Variants in RAB35 observed in about 807,000 individuals in gnomAD.
The protein encoded by RAB35 is ras-related protein Rab-35.
In RAB35, 4 loss-of-function variants were observed where a neutral mutation model predicts 28.9. That is an observed-to-expected ratio of 0.14 (90% CI 0.07 to 0.32). The LOEUF (loss-of-function observed/expected upper bound fraction) is 0.32. RAB35 is among the 10% of genes least tolerant of loss of function. The pLI is 1.00. For synonymous variants in RAB35, 99 were observed against 105.1 expected, an observed-to-expected ratio of 0.94 and a Z score of 0.35; for missense variants, 128 against 274.0, an observed-to-expected ratio of 0.47 and a Z score of 3.76.
Position 120,095,372 on chromosome 12 carries a change from T to A in RAB35, c.*1873A>T, listed in dbSNP as rs1205063633. ...CCAGCTGCCAGAAGCCATGGGGGCT[T>A]CTAGCCTGGGCTGGAAGCCCCCAGG... On this transcript the variant is annotated 3_prime_UTR_variant, in exon 6 of 6. Coordinates refer to ENST00000229340, the MANE Select transcript of RAB35 (RefSeq NM_006861.7). 6.6e-6 allele frequency: 1 copy of A among 151,908 alleles called. No individual in the cohort carries two copies. The highest frequency in any genetic ancestry group is 1.5e-5 in the Non-Finnish European group (1 of 67,912). The allele number at this position is 151,908 out of a possible 1,614,324, so 9.4% of individuals were successfully genotyped here.
chr12:120,105,949 C>T lies in RAB35; in HGVS notation c.104-2000G>A, dbSNP rs1445659428. Reference sequence around the variant, plus strand: ...AAAAAAAAAAAAAAAAATCACAGGGCCCAAAGGGTCAACAGTGTCCAAGTG... The same window carrying T: ...AAAAAAAAAAAAAAAAATCACAGGGTCCAAAGGGTCAACAGTGTCCAAGTG... On this transcript the variant is annotated intron_variant, in intron 2 of 5. Coordinates refer to ENST00000229340, the MANE Select transcript of RAB35 (RefSeq NM_006861.7). Among the ~76,000 whole-genome samples, 12 of 150,450 alleles carry T rather than the reference C, an allele frequency of 8.0e-5. No individual in the cohort carries two copies. The East Asian group carries it at 9.7e-4, about 12-fold the overall frequency.
intron 2 of RAB35, among the ~76,000 whole-genome samples, chr12:120,108,144 G>T (rs1425500423): frequency 6.6e-6 from 1 of 152,116 alleles, no homozygotes; most frequent in East Asian, 1.9e-4. Context: ...CACCATAGAC[G>T]CTGTTATGGG....
intron 3 of RAB35, chr12:120,099,465 G>A: frequency 2.3e-6 from 1 of 427,452 alleles, no homozygotes; most frequent in Non-Finnish European, 4.2e-6. Context: ...AAACATCTTT[G>A]AAGTTCTTGC....
intron 1 of RAB35, among the ~76,000 whole-genome samples, chr12:120,109,913 T>G (rs149065752): frequency 7.2e-5 from 11 of 152,328 alleles, no homozygotes; most frequent in South Asian, 2.1e-4. Flanking sequence ...GCCAAGTTAA[T>G]TGACCACAAA....
chr12:120,097,380 A>C lies in RAB35; in HGVS notation c.478-7T>G. ...CCGTGATGCAGTTGAACATCTGTGG[A>C]GAGGAAAGAGGAAGGGCCCGCCTCA... is the stretch of plus-strand genomic sequence containing the variant. On this transcript the variant is annotated splice_region_variant and splice_polypyrimidine_tract_variant and intron_variant, in intron 5 of 5. Transcript: ENST00000229340. 1 of 1,605,688 alleles carries C rather than the reference A, an allele frequency of 6.2e-7. No individual in the cohort carries two copies.
Position 120,103,685 on chromosome 12 carries a change from T to A in RAB35, c.227+141A>T. 3 of 1,267,962 alleles carry A rather than the reference T, an allele frequency of 2.4e-6. No individual in the cohort carries two copies. Among genetic ancestry groups the A allele is most frequent in the Non-Finnish European group, 3.3e-6 (3 of 912,834 alleles). The allele number at this position is 1,267,962 out of a possible 1,614,324, so 78.5% of individuals were successfully genotyped here. On this transcript the variant is annotated intron_variant, in intron 3 of 5. Transcript: ENST00000229340. The surrounding 1 kb of genome is among the most constrained non-coding windows in gnomAD (Gnocchi z 6.1). ...AGGAAGGGTGCAGCCAAACGCCACC[T>A]ACTACAGCCAACAACAGGCTCACTT...
Position 120,103,603 on chromosome 12 carries a change from C to A in RAB35, c.227+223G>T, listed in dbSNP as rs1264782507. Among the ~76,000 whole-genome samples, 1 of 152,234 alleles carries A rather than the reference C, an allele frequency of 6.6e-6. No homozygotes were observed. Among genetic ancestry groups the A allele is most frequent in the Non-Finnish European group, 1.5e-5 (1 of 68,044 alleles). On this transcript the variant is annotated intron_variant, in intron 3 of 5. Coordinates refer to ENST00000229340, the MANE Select transcript of RAB35 (RefSeq NM_006861.7). The surrounding 1 kb of genome is among the most constrained non-coding windows in gnomAD (Gnocchi z 6.1). Reference sequence around the variant, plus strand: ...AGAACATGGCCACTGTCCGGCCAGACTCCAGCCAGGGTGCTCAGCGACTCC... The same window carrying A: ...AGAACATGGCCACTGTCCGGCCAGAATCCAGCCAGGGTGCTCAGCGACTCC...
Position 120,099,039 on chromosome 12 carries a change from G to A in RAB35, c.343C>T (p.Arg115Ter). The change falls in exon 4 of 6, where the codon CGA (arginine) becomes TGA (stop). Residue 115 changes from arginine (R) to a stop codon, truncating the protein, a stop_gained. Coordinates refer to ENST00000229340, the MANE Select transcript of RAB35 (RefSeq NM_006861.7). LOFTEE classifies it high-confidence loss of function. The part of the protein sequence containing the change: ...EINQNCDDVC[R>*]ILVGNKNDDP... ...CTGAGTGCAGCCTCACCTAATATTCGGCACACATCATCACAGTTCTGGTTG... is the reference window on the plus strand; with the variant it reads ...CTGAGTGCAGCCTCACCTAATATTCAGCACACATCATCACAGTTCTGGTTG... 1 of 1,614,020 alleles carries A rather than the reference G, an allele frequency of 6.2e-7. No individual in the cohort carries two copies. Among genetic ancestry groups the A allele is most frequent in the Non-Finnish European group, 8.5e-7 (1 of 1,180,016 alleles).
intron 2 of RAB35, among the ~76,000 whole-genome samples, chr12:120,107,129 T>C (rs139305721): frequency 0.02 from 3,022 of 151,890 alleles, 56 homozygotes; most frequent in Middle Eastern, 0.034. Flanking sequence ...GCTAGGATTA[T>C]AGGTATGCAC....
chr12:120,106,832 G>A (rs893084587), intron 2 of RAB35, among the ~76,000 whole-genome samples: 10 of 149,808 alleles, frequency 6.7e-5, no homozygotes, highest in Non-Finnish European at 1.5e-4. Context: ...CATGATCCAC[G>A]CGCCTCGGCC....
intron 1 of RAB35, among the ~76,000 whole-genome samples, chr12:120,113,037 C>G (rs918722274): frequency 4.0e-5 from 6 of 151,570 alleles, no homozygotes; most frequent in Non-Finnish European, 5.9e-5. Context: ...ATTACAGGTG[C>G]GTACCACCAC....
intron 1 of RAB35, among the ~76,000 whole-genome samples, chr12:120,115,901 A>G (rs1305004624): frequency 6.6e-6 from 1 of 152,212 alleles, no homozygotes; most frequent in Non-Finnish European, 1.5e-5. Context: ...CATCAACCCC[A>G]TAAGGCAGAT....
intron 1 of RAB35, among the ~76,000 whole-genome samples, chr12:120,111,931 G>A (rs1054940558): frequency 3.2e-4 from 48 of 151,486 alleles, no homozygotes; most frequent in African/African-American, 1.0e-3. Context: ...AGCCACCCCC[G>A]AGGCTGCCCA....
chr12:120,108,494 G>T (rs532334709), intron 1 of RAB35, 27 bp from the exon 2 acceptor site: 3 of 1,610,520 alleles, frequency 1.9e-6, no homozygotes, highest in African/African-American at 1.3e-5. Context: ...ACTGCGATGA[G>T]GGGGGCAGGT....
At chr12:120,104,450 G>C (rs975320595) in intron 2 of RAB35, among the ~76,000 whole-genome samples, 2 of 152,192 alleles carry the variant, frequency 1.3e-5, no homozygotes, top group Non-Finnish European at 2.9e-5. Flanking sequence ...CCGTGAGTGG[G>C]GGCGGTCACA....
chr12:120,116,474 C>A lies in RAB35; in HGVS notation c.52+125G>T, dbSNP rs570914311. ...CCTCGGCGCACCCCTGGGGCCCAGA[C>A]CGCCGGGCTGCCCCGCCCGCCCGCC... On this transcript the variant is annotated intron_variant, in intron 1 of 5. Transcript: ENST00000229340. The A allele has an allele frequency of 7.7e-6, 5 of 648,376 alleles. No individual in the cohort carries two copies. The African/African-American group carries it at 9.9e-5, about 13-fold the overall frequency. 40.2% of individuals were successfully genotyped at this position (648,376 alleles called of 1,614,324 possible).
intron 2 of RAB35, among the ~76,000 whole-genome samples, chr12:120,106,319 T>G (rs1406961667): frequency 1.3e-5 from 2 of 152,194 alleles, no homozygotes; most frequent in East Asian, 1.9e-4. Flanking sequence ...AGCTGGTATT[T>G]ATTGAGCAAT....
Position 120,096,858 on chromosome 12 carries a change from G to A in RAB35, c.*387C>T, listed in dbSNP as rs1219110099. The A allele has an allele frequency of 3.1e-6, 4 of 1,301,006 alleles. No individual in the cohort carries two copies. Among genetic ancestry groups the A allele is most frequent in the African/African-American group, 3.0e-5 (2 of 66,380 alleles). 80.6% of individuals were successfully genotyped at this position (1,301,006 alleles called of 1,614,324 possible). ...ACGCTGCTTGCAGTAAGATGGGCTGGGGAGGGGCGCGGGGAGGGTCTGTTG... is the reference window on the plus strand; with the variant it reads ...ACGCTGCTTGCAGTAAGATGGGCTGAGGAGGGGCGCGGGGAGGGTCTGTTG... On this transcript the variant is annotated 3_prime_UTR_variant, in exon 6 of 6. Transcript: ENST00000229340.
chr12:120,116,691 C>G lies in RAB35; in HGVS notation c.-41G>C. ...TGCGCGCGGGCGGGCGGGGTCGGTA[C>G]TGGCCTCGCGATCCGCAGCTCCCTT... is the stretch of plus-strand genomic sequence containing the variant. On this transcript the variant is annotated 5_prime_UTR_variant, in exon 1 of 6. Coordinates refer to ENST00000229340, the MANE Select transcript of RAB35 (RefSeq NM_006861.7). 8.2e-7 allele frequency: 1 copy of G among 1,221,724 alleles called. No homozygotes were observed. The highest frequency in any genetic ancestry group is 1.6e-5 in the African/African-American group (1 of 63,974). The allele number at this position is 1,221,724 out of a possible 1,614,324, so 75.7% of individuals were successfully genotyped here.
Sources: allele counts gnomAD v4.1 joint callset (sites outside exome capture counted in the v4.1 genomes callset), GRCh38; gene constraint gnomAD v4.1.1; non-coding constraint Gnocchi (gnomAD v3.1); transcripts MANE v1.5; gene names NCBI Gene and HGNC (gene_info 2026-07-23, HGNC 2026-07-21).